The following TMEM143 variants were observed in gnomAD, a reference collection of about 807,000 sequenced individuals.
TMEM143 encodes the protein transmembrane protein 143.
TMEM143 carries 45 observed loss-of-function variants against 40.3 expected under a neutral mutation model. The ratio of observed to expected loss-of-function variants is 1.12; its 90% CI spans 0.88 to 1.43. The LOEUF is 1.43. Among genes scored for constraint, TMEM143 ranks in the 40% most tolerant of loss-of-function variants. The pLI is 0.00. For missense variants in TMEM143, 620 were observed against 613.4 expected, an observed-to-expected ratio of 1.01 and a Z score of -0.11; for synonymous variants, 299 against 282.7, an observed-to-expected ratio of 1.06 and a Z score of -0.58.
chr19:48,355,383 A>G lies in TMEM143; in HGVS notation c.369+4689T>C, dbSNP rs570664645. On this transcript the variant is annotated intron_variant, in intron 3 of 7. Transcript: ENST00000293261. Reference sequence around the variant, plus strand: ...AAAAACAACCGTGGCTCCAGAGGCCATAGGTGCCCTGTGGAAGAGCTTGGA... The same window carrying G: ...AAAAACAACCGTGGCTCCAGAGGCCGTAGGTGCCCTGTGGAAGAGCTTGGA... Among the ~76,000 whole-genome samples, 9 of 152,314 alleles carry G rather than the reference A, an allele frequency of 5.9e-5. No homozygotes were observed. In the East Asian group the frequency reaches 1.7e-3, roughly 29 times the overall value.
rs186491708 is a variant in TMEM143 at position 48,346,518 on chromosome 19, C to T, written c.370-1164G>A. On this transcript the variant is annotated intron_variant, in intron 3 of 7. Transcript: ENST00000293261. The stretch of plus-strand genomic sequence containing the variant: ...CTTCTCACTGAAGCCACCTTCATCT[C>T]TCACTTAAACAATTATGTAGGGCTT... 3.9e-5 allele frequency among the ~76,000 whole-genome samples: 6 copies of T among 152,300 alleles called. No homozygotes were observed. In the East Asian group the frequency reaches 1.2e-3, roughly 29 times the overall value.
Position 48,333,246 on chromosome 19 carries a change from T to C in TMEM143, c.1353A>G (p.Gln451=). ...PVAPITSEPP[Q]ATPSSNIS is the part of the protein sequence containing the mutation. Reference sequence around the variant, plus strand: ...AGGAGATGTTACTGCTGGGCGTGGCTTGCGGGGGCTCGGAAGTGATCGGAG... The same window carrying C: ...AGGAGATGTTACTGCTGGGCGTGGCCTGCGGGGGCTCGGAAGTGATCGGAG... The change falls in exon 8 of 8, where the codon CAA becomes CAG. Residue 451 remains glutamine, a synonymous_variant. Coordinates refer to ENST00000293261, the MANE Select transcript of TMEM143 (RefSeq NM_018273.4). The surrounding 1 kb of genome is among the most constrained non-coding windows in gnomAD (Gnocchi z 4.1). 1 of 1,493,760 alleles carries C rather than the reference T, an allele frequency of 6.7e-7. No homozygotes were observed. Among genetic ancestry groups the C allele is most frequent in the Non-Finnish European group, 9.0e-7 (1 of 1,106,868 alleles). The allele number at this position is 1,493,760 out of a possible 1,614,324, so 92.5% of individuals were successfully genotyped here. A position where few individuals can be genotyped will look rare whatever the true frequency, so the allele number is the denominator to read the frequency against.
chr19:48,340,888 G>A (rs373907188), intron 6 of TMEM143, among the ~76,000 whole-genome samples: 2 of 152,218 alleles, frequency 1.3e-5, no homozygotes, highest in South Asian at 2.1e-4. Context: ...GGCTGAGCTC[G>A]TGGGCTCTTT....
Position 48,345,189 on chromosome 19 carries a change from C to A in TMEM143, c.535G>T (p.Val179Leu), listed in dbSNP as rs764613443. ...LSEDTLAYAL[V>L]VHHPQDEVQV... ...ACCTCATCCTGAGGGTGGTGGACCA[C>A]CAGCGCGTAGGCCAGGGTGTCCTCA... is the stretch of plus-strand genomic sequence containing the variant. The change falls in exon 4 of 8, where the codon GTG becomes TTG. Residue 179 changes from valine (V) to leucine (L), a missense_variant. Coordinates refer to ENST00000293261, the MANE Select transcript of TMEM143 (RefSeq NM_018273.4). 3.1e-6 allele frequency: 5 copies of A among 1,613,536 alleles called. No homozygotes were observed. Among genetic ancestry groups the A allele is most frequent in the Non-Finnish European group, 4.2e-6 (5 of 1,179,698 alleles).
chr19:48,342,842 C>T (rs369574934), intron 5 of TMEM143, 33 bp from the exon 6 acceptor site: 18 of 1,563,348 alleles, frequency 1.2e-5, no homozygotes, highest in African/African-American at 8.1e-5. Context: ...GGAGCAGGAT[C>T]GGGACTGCAC....
intron 6 of TMEM143, among the ~76,000 whole-genome samples, chr19:48,339,509 T>C (rs919642281): frequency 2.0e-5 from 3 of 151,980 alleles, no homozygotes; most frequent in South Asian, 2.1e-4. Context: ...CAAGGTGAGA[T>C]GGGGAACTTG....
chr19:48,360,582 A>C (rs1199994269), intron 2 of TMEM143: 2 of 167,632 alleles, frequency 1.2e-5, no homozygotes, highest in Non-Finnish European at 2.5e-5. Context: ...TCTCAAAAAA[A>C]AAAAAAAAAA....
At chr19:48,355,198 C>CTTT (rs1969860599) in intron 3 of TMEM143, among the ~76,000 whole-genome samples, 1 of 151,620 alleles carries the variant, frequency 6.6e-6, no homozygotes, top group Admixed American at 6.6e-5. Flanking sequence ...CCACAACCGA[C>CTTT]TGATATTTAT....
intron 3 of TMEM143, among the ~76,000 whole-genome samples, chr19:48,359,672 AATTTTTTTGT>A (rs1969992533): frequency 6.6e-6 from 1 of 151,700 alleles, no homozygotes; most frequent in Non-Finnish European, 1.5e-5. Flanking sequence ...ACGCCCAGCT[AATTTTTTTGT>A]ATTTTTAGTA....
In TMEM143 at chr19:48,333,280, T is replaced by G; in HGVS notation, c.1319A>C (p.Asp440Ala). Residue 440 changes from aspartate to alanine, a missense_variant, in exon 8 of 8, where the codon GAC becomes GCC. Asp to Ala is a moderately radical substitution (Grantham distance 126). Transcript: ENST00000293261. This position sits in a 1 kb window ranked among gnomAD's most constrained non-coding sequence, Gnocchi z 4.1. ...LYPPPGFPKL[D>A]PVAPITSEPP... Reference sequence around the variant, plus strand: ...CTCGGAAGTGATCGGAGCCACTGGGTCTAGTTTGGGGAAACCCGGGGGTGG... The same window carrying G: ...CTCGGAAGTGATCGGAGCCACTGGGGCTAGTTTGGGGAAACCCGGGGGTGG... 1 of 1,558,242 alleles carries G rather than the reference T, an allele frequency of 6.4e-7. No homozygotes were observed. Among genetic ancestry groups the G allele is most frequent in the Non-Finnish European group, 8.7e-7 (1 of 1,143,990 alleles).
In TMEM143 at chr19:48,333,375, A is replaced by C; in HGVS notation, c.1224T>G (p.Cys408Trp). Residue 408 changes from cysteine (C) to tryptophan (W), a missense_variant, in exon 8 of 8, where the codon TGT (cysteine) becomes TGG (tryptophan). Transcript: ENST00000293261. The surrounding 1 kb of genome is among the most constrained non-coding windows in gnomAD (Gnocchi z 4.1). The part of the protein sequence containing the change: ...VENWLLAKSG[C>W]EVTFNGTRAL... ...CCCGAGTTCCGTTGAAGGTCACCTC[A>C]CAGCCTGACTTGGCTAGGAGCCAGT... The C allele has an allele frequency of 6.2e-7, 1 of 1,608,634 alleles. No homozygotes were observed.
intron 3 of TMEM143, among the ~76,000 whole-genome samples, chr19:48,352,228 CAG>C (rs1480360936): frequency 8.2e-5 from 7 of 85,270 alleles, no homozygotes; most frequent in African/African-American, 3.4e-4. Flanking sequence ...GCCTGGGTGA[CAG>C]AGTGAGACTC....
chr19:48,359,253 C>G (rs116258405), intron 3 of TMEM143, among the ~76,000 whole-genome samples: 1 of 152,084 alleles, frequency 6.6e-6, no homozygotes, highest in Non-Finnish European at 1.5e-5. Flanking sequence ...TCCCCATCCC[C>G]TCTGCCCTCA....
chr19:48,350,697 G>A (rs1458206957), intron 3 of TMEM143, among the ~76,000 whole-genome samples: 6 of 151,944 alleles, frequency 3.9e-5, no homozygotes, highest in Admixed American at 6.6e-5. Context: ...TGAGGCAGGC[G>A]GATCATTTGA....
At chr19:48,363,859 G>C (rs751314769) in intron 1 of TMEM143, 39 bp downstream of exon 1, 9 of 1,613,568 alleles carry the variant, frequency 5.6e-6, no homozygotes, top group Non-Finnish European at 6.8e-6. Flanking sequence ...GTGCAGGGCC[G>C]CCCTCCCTGG....
At chr19:48,335,877 G>T (rs1457534312) in intron 6 of TMEM143, among the ~76,000 whole-genome samples, 1 of 152,108 alleles carries the variant, frequency 6.6e-6, no homozygotes, top group Non-Finnish European at 1.5e-5. Flanking sequence ...CTGGGCAACA[G>T]AGTGAGACCC....
chr19:48,359,298 G>A (rs1266372509), intron 3 of TMEM143, among the ~76,000 whole-genome samples: 3 of 151,628 alleles, frequency 2.0e-5, no homozygotes, highest in Non-Finnish European at 2.9e-5. Flanking sequence ...CTCTCCTGCA[G>A]CCACAGTGGC....
intron 6 of TMEM143, among the ~76,000 whole-genome samples, chr19:48,337,287 G>T (rs963384402): frequency 6.6e-6 from 1 of 152,034 alleles, no homozygotes; most frequent in Admixed American, 6.6e-5. Flanking sequence ...GGTGGCTCAC[G>T]CCTGTAATCC....
At chr19:48,342,494 G>A (rs758919637) in intron 6 of TMEM143, 36 bp downstream of exon 6, 15 of 1,566,204 alleles carry the variant, frequency 9.6e-6, no homozygotes, top group Middle Eastern at 1.8e-4. Context: ...TCCCCACAGC[G>A]CAGGGCCGCA....
Sources: allele counts gnomAD v4.1 joint callset (sites outside exome capture counted in the v4.1 genomes callset), GRCh38; gene constraint gnomAD v4.1.1; non-coding constraint Gnocchi (gnomAD v3.1); transcripts MANE v1.5; gene names NCBI Gene and HGNC (gene_info 2026-07-23, HGNC 2026-07-21).